TMEM184A: variants seen among roughly 807,000 people sequenced by gnomAD.
The protein encoded by TMEM184A is transmembrane protein 184A.
Under a neutral mutation model 39.5 loss-of-function variants are expected in TMEM184A, and 40 were observed. The ratio of observed to expected loss-of-function variants is 1.01; its 90% CI spans 0.79 to 1.32. TMEM184A has a LOEUF of 1.32. Ranked by LOEUF, TMEM184A falls within the 40% of genes most tolerant of loss-of-function variation. TMEM184A has a pLI of 0.00. For synonymous variants in TMEM184A, 280 were observed against 252.3 expected, an observed-to-expected ratio of 1.11 and a Z score of -1.04; for missense variants, 603 against 568.8, an observed-to-expected ratio of 1.06 and a Z score of -0.61.
chr7:1,549,800 C>G, intron 6 of TMEM184A, 54 bp downstream of exon 6: 16 of 1,510,674 alleles, frequency 1.1e-5, no homozygotes, highest in Non-Finnish European at 1.4e-5. Context: ...CTCCCGGGCC[C>G]CGGGGGACCC....
chr7:1,547,377 CT>C (rs1784392476), intron 8 of TMEM184A, among the ~76,000 whole-genome samples, 196 bp from the exon 9 acceptor site: 1 of 152,168 alleles, frequency 6.6e-6, no homozygotes, highest in African/African-American at 2.4e-5. Flanking sequence ...GGCCAGACCC[CT>C]GACAAGGACC....
Position 1,543,100 on chromosome 7 carries a change from A to AC in TMEM184A, c.*3851dup, listed in dbSNP as rs5881900. ...GGGGCTTTCTTGGGCCAAGAACCAC[A>AC]CCCCCCCCCCAATCCCAGGGGACCC... On this transcript the variant is annotated 3_prime_UTR_variant, in exon 9 of 9. Transcript: ENST00000297477. The AC allele has an allele frequency of 0.53, 74,966 of 141,794 alleles. 18,555 individuals carry two copies. Among genetic ancestry groups the AC allele is most frequent in the East Asian group, 0.63 (3,000 of 4,782 alleles). The allele number at this position is 141,794 out of a possible 1,614,324, so 8.8% of individuals were successfully genotyped here.
rs1784340314 is a variant in TMEM184A, at chr7:1,546,260, G to T, written c.*692C>A. The T allele has an allele frequency of 6.5e-6, 1 of 152,674 alleles. No homozygotes were observed. The highest frequency in any genetic ancestry group is 6.5e-5 in the Admixed American group (1 of 15,288). 9.5% of individuals were successfully genotyped at this position (152,674 alleles called of 1,614,324 possible). Reference sequence around the variant, plus strand: ...CCAAGGTGTTTAAATATAAATAAGAGCGATTCCCACAGCCCCACGGTGCTG... The same window carrying T: ...CCAAGGTGTTTAAATATAAATAAGATCGATTCCCACAGCCCCACGGTGCTG... On this transcript the variant is annotated 3_prime_UTR_variant, in exon 9 of 9. Transcript: ENST00000297477.
At chr7:1,554,335 T>G (rs1778461926) in intron 2 of TMEM184A, among the ~76,000 whole-genome samples, 1 of 151,900 alleles carries the variant, frequency 6.6e-6, no homozygotes, top group Non-Finnish European at 1.5e-5. Context: ...CCAGCTCACC[T>G]ACAGATCCAT....
chr7:1,553,300 G>A (rs1029852670), intron 2 of TMEM184A, among the ~76,000 whole-genome samples: 5 of 151,806 alleles, frequency 3.3e-5, no homozygotes, highest in East Asian at 2.0e-4. Flanking sequence ...TTATAGGCGC[G>A]CACCACCATG....
intron 6 of TMEM184A, 22 bp downstream of exon 6, chr7:1,549,832 G>A: frequency 3.2e-6 from 5 of 1,571,114 alleles, no homozygotes; most frequent in Non-Finnish European, 4.3e-6. Context: ...CATGCCAGGT[G>A]TCCCCGCAGC....
Position 1,547,075 on chromosome 7 carries a change from G to T in TMEM184A, c.1119C>A (p.His373Gln), listed in dbSNP as rs1032296380. 6.2e-7 allele frequency: 1 copy of T among 1,610,286 alleles called. No individual in the cohort carries two copies. The highest frequency in any genetic ancestry group is 8.5e-7 in the Non-Finnish European group (1 of 1,179,686). The change falls in exon 9 of 9, where the codon CAC becomes CAA. Residue 373 changes from histidine (H) to glutamine (Q), a missense_variant. By Grantham distance (24) the His-to-Gln change is conservative (BLOSUM62 0). Coordinates refer to ENST00000297477, the MANE Select transcript of TMEM184A (RefSeq NM_001097620.2). ...AIHNFSPAYQHYTQQATHEAP... is the reference protein window; with the variant it reads ...AIHNFSPAYQQYTQQATHEAP... ...CCTCGTGCGTGGCCTGCTGCGTGTA[G>T]TGCTGGTAGGCGGGGGAGAAGTTGT...
chr7:1,553,543 C>T (rs778555084), intron 2 of TMEM184A, among the ~76,000 whole-genome samples: 2 of 152,152 alleles, frequency 1.3e-5, no homozygotes, highest in African/African-American at 2.4e-5. Flanking sequence ...CACAGGGGCT[C>T]CTGGGGAAGG....
At chr7:1,548,403 G>T in intron 7 of TMEM184A, 116 bp downstream of exon 7, 1 of 1,236,798 alleles carries the variant, frequency 8.1e-7, no homozygotes, top group Non-Finnish European at 1.1e-6. Flanking sequence ...GACCTGTGCT[G>T]CAGCTGGAGA....
rs2128555440 is a variant in TMEM184A, at chr7:1,555,135, C to T, written c.219+131G>A. ...CACATCCTGGGGAAGCTCATCCCCT[C>T]CCCCGTGCCCTGGCCGATCCCACTT... is the stretch of plus-strand genomic sequence containing the variant. On this transcript the variant is annotated intron_variant, in intron 2 of 8. Coordinates refer to ENST00000297477, the MANE Select transcript of TMEM184A (RefSeq NM_001097620.2). The surrounding 1 kb of genome is among the most constrained non-coding windows in gnomAD (Gnocchi z 5.2). The T allele has an allele frequency of 1.4e-6, 1 of 706,506 alleles. No homozygotes were observed. The highest frequency in any genetic ancestry group is 2.2e-6 in the Non-Finnish European group (1 of 446,494). 43.8% of individuals were successfully genotyped at this position (706,506 alleles called of 1,614,324 possible). A position where few individuals can be genotyped will look rare whatever the true frequency, so the allele number is the denominator to read the frequency against.
At chr7:1,549,135 G>A (rs941843270) in intron 6 of TMEM184A, 1 of 463,662 alleles carries the variant, frequency 2.2e-6, no homozygotes, top group Non-Finnish European at 4.3e-6. Flanking sequence ...GGGGTGCGCT[G>A]TGTGTGTGCA....
In TMEM184A at chr7:1,550,137, G is replaced by C; in HGVS notation, c.538C>G (p.Arg180Gly). The C allele has an allele frequency of 6.2e-7, 1 of 1,605,364 alleles. No individual in the cohort carries two copies. The highest frequency in any genetic ancestry group is 8.5e-7 in the Non-Finnish European group (1 of 1,176,830). Residue 180 changes from arginine to glycine, a missense_variant, in exon 5 of 9, where the codon CGC (arginine) becomes GGC (glycine). Arg to Gly is a moderately radical substitution (Grantham distance 125). Transcript: ENST00000297477. The stretch of plus-strand genomic sequence containing the variant: ...TGGCCCCTCACCTGCTTACAGAAGC[G>C]CAGGAACCCGATGGAGTAGGTCATG... ...RGMTYSIGFL[R>G]FCKQATLQFC... is the part of the protein sequence containing the mutation.
rs912940148 is a variant in TMEM184A, at chr7:1,547,923, G to A, written c.831C>T (p.Ile277=). 4 of 1,578,184 alleles carry A rather than the reference G, an allele frequency of 2.5e-6. No homozygotes were observed. The highest frequency in any genetic ancestry group is 3.4e-6 in the Non-Finnish European group (4 of 1,163,202). Residue 277 remains isoleucine, a synonymous_variant, in exon 8 of 9, where the codon ATC becomes ATT. Transcript: ENST00000297477. ...LSFWQGLLLA[I]LERCGVIPEV... The stretch of plus-strand genomic sequence containing the variant: ...CCGGGATGACCCCGCACCGCTCCAG[G>A]ATGGCCAGCAGCAGCCCTGCGGACG...
At position 1,547,761 on chromosome 7, in the gene TMEM184A, C is replaced by T. The variant is rs755846784; in HGVS notation, c.993G>A (p.Glu331=). The part of the protein sequence containing the change: ...RYAFPCQVYA[E]KKENSPAPPA... ...GTGTACCTGGTGAATTCTCCTTCTT[C>T]TCTGCGTACACCTGGCAGGGGAAGG... Residue 331 remains glutamate (E), a synonymous_variant, in exon 8 of 9, where the codon GAG becomes GAA. Transcript: ENST00000297477. The T allele has an allele frequency of 8.1e-6, 13 of 1,612,572 alleles. No homozygotes were observed. Among genetic ancestry groups the T allele is most frequent in the South Asian group, 1.1e-5 (1 of 90,968 alleles).
chr7:1,555,582 G>A lies in TMEM184A; in HGVS notation c.1-98C>T, dbSNP rs562702481. 47 of 919,108 alleles carry A rather than the reference G, an allele frequency of 5.1e-5. No homozygotes were observed. Among genetic ancestry groups the A allele is most frequent in the Admixed American group, 4.3e-4 (22 of 50,812 alleles). The allele number at this position is 919,108 out of a possible 1,614,324, so 56.9% of individuals were successfully genotyped here. On this transcript the variant is annotated intron_variant, in intron 1 of 8. Coordinates refer to ENST00000297477, the MANE Select transcript of TMEM184A (RefSeq NM_001097620.2). This position sits in a 1 kb window ranked among gnomAD's most constrained non-coding sequence, Gnocchi z 5.2. ...CGGGGGAGGGAGGAGACAGTGAGAC[G>A]GGAGCTGAGGCTGAGCCACCCACCA...
In TMEM184A at chr7:1,549,892, G is replaced by A. The variant is rs1470537355; in HGVS notation, c.606C>T (p.Ile202=). Reference sequence around the variant, plus strand: ...CGTGGTATTTGCCAAATGCCTGGAGGATGATGGTGGTGACGGCCATGACGG... The same window carrying A: ...CGTGGTATTTGCCAAATGCCTGGAGAATGATGGTGGTGACGGCCATGACGG... ...VKPVMAVTTI[I]LQAFGKYHDG... The change falls in exon 6 of 9, where the codon ATC becomes ATT. Residue 202 remains isoleucine, a synonymous_variant. Transcript: ENST00000297477. The A allele has an allele frequency of 6.8e-6, 11 of 1,612,022 alleles. No individual in the cohort carries two copies. In the Admixed American group the frequency reaches 1.8e-4, roughly 27 times the overall value.
At chr7:1,550,068 G>T in intron 5 of TMEM184A, 55 bp downstream of exon 5, 1 of 1,581,562 alleles carries the variant, frequency 6.3e-7, no homozygotes, top group Non-Finnish European at 8.6e-7. Context: ...GGCCGGCTAG[G>T]GCCCCTGACG....
At position 1,547,107 on chromosome 7, in the gene TMEM184A, C is replaced by T. The variant is rs758851580; in HGVS notation, c.1087G>A (p.Ala363Thr). The T allele has an allele frequency of 1.2e-5, 19 of 1,610,044 alleles. No individual in the cohort carries two copies. The highest frequency in any genetic ancestry group is 1.7e-5 in the Admixed American group (1 of 59,988). Residue 363 changes from alanine to threonine, a missense_variant, in exon 9 of 9, where the codon GCC becomes ACC. Ala to Thr is a moderately conservative substitution (Grantham distance 58). Transcript: ENST00000297477. ...TAGGCGGGGGAGAAGTTGTGGATGG[C>T]GTCCTGCACGATGTCCTGGGGGCTC... The part of the protein sequence containing the change: ...TVSPQDIVQD[A>T]IHNFSPAYQH...
At chr7:1,547,316 G>C (rs1253026834) in intron 8 of TMEM184A, 135 bp from the exon 9 acceptor site, 1 of 623,650 alleles carries the variant, frequency 1.6e-6, no homozygotes, top group Admixed American at 2.9e-5. Flanking sequence ...GGTGGCCCCA[G>C]ACCCCTGGAC....
Sources: gnomAD v4.1 joint callset for allele counts (sites outside exome capture counted in the v4.1 genomes callset) on GRCh38, gnomAD v4.1.1 for gene constraint, Gnocchi (gnomAD v3.1) non-coding constraint, MANE v1.5 for transcripts, NCBI Gene and HGNC (gene_info 2026-07-23, HGNC 2026-07-21) for gene names.